The following TRIP4 variants were observed in gnomAD, a reference collection of about 807,000 sequenced individuals.
TRIP4 encodes the protein activating signal cointegrator 1.
In TRIP4, 54 loss-of-function variants were observed where a neutral mutation model predicts 81.8. That is an observed-to-expected ratio of 0.66 (90% CI 0.53 to 0.83). The LOEUF is 0.83. Among genes scored for constraint, TRIP4 ranks in the 40% least tolerant of loss-of-function variants. The pLI, the probability that TRIP4 is intolerant of heterozygous loss-of-function variation, is 0.00. For synonymous variants in TRIP4, 270 were observed against 242.8 expected (o/e 1.11, Z -1.04); for missense variants, 662 against 683.6 (o/e 0.97, Z 0.35).
chr15:64,420,783 C>T (rs138703324), intron 9 of TRIP4, among the ~76,000 whole-genome samples: 1 of 151,772 alleles, frequency 6.6e-6, no homozygotes, highest in Non-Finnish European at 1.5e-5. Flanking sequence ...CTGCCCGCCT[C>T]GGCCTCTCAA....
rs368033784 is a variant in TRIP4 at position 64,387,973 on chromosome 15, A to C, written c.101+9A>C. ...AGCGAGGAGATCATTCAGTGAGAAC[A>C]GTTCGGGTCCAAGCGGGGAAGGAGC... is the stretch of plus-strand genomic sequence containing the variant. On this transcript the variant is annotated intron_variant, in intron 1 of 12. Transcript: ENST00000261884. The C allele has an allele frequency of 1.3e-6, 2 of 1,546,234 alleles. No individual in the cohort carries two copies. Among genetic ancestry groups the C allele is most frequent in the Non-Finnish European group, 8.7e-7 (1 of 1,143,672 alleles).
At chr15:64,390,568 A>G (rs561124058) in intron 1 of TRIP4, among the ~76,000 whole-genome samples, 6 of 152,098 alleles carry the variant, frequency 3.9e-5, no homozygotes, top group Admixed American at 2.6e-4. Context: ...ATCCAGTTGT[A>G]TTTTGTTTGG....
chr15:64,401,594 C>G (rs2062247), intron 5 of TRIP4, among the ~76,000 whole-genome samples: 2,537 of 152,184 alleles, frequency 0.017, 65 homozygotes, highest in African/African-American at 0.058. Flanking sequence ...CTATAAGCAT[C>G]TATTTTTTAG....
intron 12 of TRIP4, among the ~76,000 whole-genome samples, chr15:64,446,101 C>T (rs758738932): frequency 1.4e-4 from 21 of 151,732 alleles, no homozygotes; most frequent in Non-Finnish European, 2.8e-4. Context: ...GGTAAAACCC[C>T]GTCTCTACTG....
At position 64,423,952 on chromosome 15, in the gene TRIP4, A is replaced by G. The variant is rs1260884160; in HGVS notation, c.1359-79A>G. ...TCTTGGTTCAACTGGATAATTTGCTATAGGATTTGTTATATATTATGGGAT... is the reference window on the plus strand; with the variant it reads ...TCTTGGTTCAACTGGATAATTTGCTGTAGGATTTGTTATATATTATGGGAT... On this transcript the variant is annotated intron_variant, in intron 9 of 12. Transcript: ENST00000261884. 8 of 1,551,886 alleles carry G rather than the reference A, an allele frequency of 5.2e-6. No individual in the cohort carries two copies. The Admixed American group carries it at 1.5e-4, about 28-fold the overall frequency.
At chr15:64,441,121 G>A (rs868694513) in intron 11 of TRIP4, among the ~76,000 whole-genome samples, 1 of 151,602 alleles carries the variant, frequency 6.6e-6, no homozygotes, top group Non-Finnish European at 1.5e-5. Context: ...CTCAGCCTCC[G>A]GCGTAGCTGG....
chr15:64,425,557 G>A lies in TRIP4; in HGVS notation c.1501G>A (p.Asp501Asn), dbSNP rs370595309. The change falls in exon 11 of 13, where the codon GAC (aspartate) becomes AAC (asparagine). Residue 501 changes from aspartate to asparagine, a missense_variant. Transcript: ENST00000261884. ...TGATTCAGATGTGGAATTTCCTAAT[G>A]ACTATCCGTCAGGTTGTCTTCTGGG... is the stretch of plus-strand genomic sequence containing the variant. ...LRGKDVEFPN[D>N]YPSGCLLGCV... The A allele has an allele frequency of 6.2e-7, 1 of 1,610,010 alleles. No individual in the cohort carries two copies. The highest frequency in any genetic ancestry group is 2.2e-5 in the East Asian group (1 of 44,718).
chr15:64,414,257 A>G (rs765090961), intron 8 of TRIP4, 46 bp downstream of exon 8: 33 of 1,608,086 alleles, frequency 2.1e-5, no homozygotes, highest in South Asian at 7.7e-5. Context: ...TTTGGCCCCA[A>G]TTTTGCCTTC....
rs992263036 is a variant in TRIP4 at position 64,455,257 on chromosome 15, G to A, written c.*193G>A. 24 of 449,924 alleles carry A rather than the reference G, an allele frequency of 5.3e-5. No individual in the cohort carries two copies. Among genetic ancestry groups the A allele is most frequent in the Middle Eastern group, 5.7e-4 (1 of 1,746 alleles). 27.9% of individuals were successfully genotyped at this position (449,924 alleles called of 1,614,324 possible). On this transcript the variant is annotated 3_prime_UTR_variant, in exon 13 of 13. Transcript: ENST00000261884. Reference sequence around the variant, plus strand: ...GATTCCTACTTTATGTAATGGGGTCGAAATCTTTGAACACATTATTTATAA... The same window carrying A: ...GATTCCTACTTTATGTAATGGGGTCAAAATCTTTGAACACATTATTTATAA...
At chr15:64,453,131 C>T (rs1434666770) in intron 12 of TRIP4, among the ~76,000 whole-genome samples, 1 of 152,050 alleles carries the variant, frequency 6.6e-6, no homozygotes, top group East Asian at 1.9e-4. Context: ...TGCAGTGAGC[C>T]GAGATTATGC....
At chr15:64,413,973 ACTC>A (rs1416251239) in intron 7 of TRIP4, 109 bp from the exon 8 acceptor site, 3 of 1,237,848 alleles carry the variant, frequency 2.4e-6, no homozygotes, top group Non-Finnish European at 2.2e-6. Context: ...TCATCCATAG[ACTC>A]CTCTTTATAT....
intron 5 of TRIP4, 77 bp downstream of exon 5, chr15:64,400,898 A>G: frequency 8.4e-7 from 1 of 1,186,722 alleles, no homozygotes. Context: ...TCTTTTCTGT[A>G]TCCTGGAGTG....
chr15:64,428,309 G>T (rs1596353609), intron 11 of TRIP4, among the ~76,000 whole-genome samples: 1 of 152,128 alleles, frequency 6.6e-6, no homozygotes, highest in African/African-American at 2.4e-5. Flanking sequence ...TACTATGAAG[G>T]TTACAGGAAT....
Position 64,432,380 on chromosome 15 carries a change from G to A in TRIP4, c.1575+6749G>A, listed in dbSNP as rs183571807. ...TGTAATCCCACCGCTTTGGGAGACCGATGCAGGCGGATCACTCAAGGTCAG... is the reference window on the plus strand; with the variant it reads ...TGTAATCCCACCGCTTTGGGAGACCAATGCAGGCGGATCACTCAAGGTCAG... On this transcript the variant is annotated intron_variant, in intron 11 of 12. Transcript: ENST00000261884. Among the ~76,000 whole-genome samples, 1,003 of 152,124 alleles carry A rather than the reference G, an allele frequency of 6.6e-3. 9 individuals are homozygous for A. Among genetic ancestry groups the A allele is most frequent in the Non-Finnish European group, 7.1e-3 (481 of 67,992 alleles).
chr15:64,425,089 TC>T (rs1892111890), intron 10 of TRIP4, among the ~76,000 whole-genome samples: 2 of 152,270 alleles, frequency 1.3e-5, no homozygotes, highest in South Asian at 4.2e-4. Context: ...AAAGCACACT[TC>T]TATTCCTATT....
intron 11 of TRIP4, among the ~76,000 whole-genome samples, chr15:64,428,676 T>G (rs1057304565): frequency 1.3e-5 from 2 of 152,168 alleles, no homozygotes; most frequent in African/African-American, 2.4e-5. Context: ...TGGTGCAATC[T>G]TGGCTCACTG....
chr15:64,441,875 G>T (rs943685327), intron 11 of TRIP4, among the ~76,000 whole-genome samples: 1 of 152,140 alleles, frequency 6.6e-6, no homozygotes, highest in African/African-American at 2.4e-5. Flanking sequence ...GGGTTATCAA[G>T]AATATTCACT....
intron 11 of TRIP4, among the ~76,000 whole-genome samples, chr15:64,433,552 T>C (rs964039169): frequency 3.9e-5 from 6 of 152,082 alleles, no homozygotes; most frequent in African/African-American, 1.4e-4. Context: ...TGCAGTCAGC[T>C]GAGATCGCAC....
chr15:64,387,911 C>T lies in TRIP4; in HGVS notation c.48C>T (p.Cys16=). Reference sequence around the variant, plus strand: ...CCGGGGAGCCGCTGGTGCACTGGTGCACCCAGCAGTTGCGGAAGACTTTCG... The same window carrying T: ...CCGGGGAGCCGCTGGTGCACTGGTGTACCCAGCAGTTGCGGAAGACTTTCG... ...AVSGEPLVHW[C]TQQLRKTFGL... The change falls in exon 1 of 13, where the codon TGC becomes TGT. Residue 16 remains cysteine (C), a synonymous_variant. Coordinates refer to ENST00000261884, the MANE Select transcript of TRIP4 (RefSeq NM_016213.5). The T allele has an allele frequency of 3.2e-6, 5 of 1,550,734 alleles. No individual in the cohort carries two copies. In the South Asian group the frequency reaches 4.8e-5, roughly 15 times the overall value.
Sources: allele counts gnomAD v4.1 joint callset (sites outside exome capture counted in the v4.1 genomes callset), GRCh38; gene constraint gnomAD v4.1.1; transcripts MANE v1.5; gene names NCBI Gene and HGNC (gene_info 2026-07-23, HGNC 2026-07-21).